The following RPS19BP1 variants were observed in gnomAD, a reference collection of about 807,000 sequenced individuals.
RPS19BP1 encodes the protein active regulator of SIRT1.
A neutral mutation model predicts 16.6 loss-of-function variants in RPS19BP1; 14 were observed. The observed-to-expected ratio is 0.84, with a 90% CI of 0.56 to 1.32. The LOEUF (loss-of-function observed/expected upper bound fraction) is 1.32. RPS19BP1 is among the 40% of genes most tolerant of loss of function. The pLI is 0.00. For synonymous variants in RPS19BP1, 90 were observed against 77.3 expected, an observed-to-expected ratio of 1.16 and a Z score of -0.86; for missense variants, 188 against 178.6, an observed-to-expected ratio of 1.05 and a Z score of -0.30.
intron 2 of RPS19BP1, 89 bp from the exon 3 acceptor site, chr22:39,530,006 C>G: frequency 5.8e-6 from 6 of 1,039,104 alleles, no homozygotes; most frequent in Non-Finnish European, 8.9e-6. Flanking sequence ...CCAAAGACCT[C>G]ATCGTTCCCT....
chr22:39,529,433 C>A lies in RPS19BP1; in HGVS notation c.*59G>T. On this transcript the variant is annotated 3_prime_UTR_variant, in exon 4 of 4. Transcript: ENST00000334678. ...CGCGCGGCACGGCCGGTTCCTGGAG[C>A]CAGCAGGAGTCGGAGGCTGCAGGGC... The A allele has an allele frequency of 1.9e-6, 3 of 1,599,854 alleles. No individual in the cohort carries two copies. Among genetic ancestry groups the A allele is most frequent in the Non-Finnish European group, 2.6e-6 (3 of 1,173,808 alleles).
chr22:39,531,084 A>G (rs1931300049), intron 2 of RPS19BP1: 1 of 152,226 alleles, frequency 6.6e-6, no homozygotes, highest in South Asian at 2.1e-4. Context: ...GAGGCTTGCC[A>G]TTCCTCTCAC....
chr22:39,530,189 C>A, intron 2 of RPS19BP1: 1 of 455,874 alleles, frequency 2.2e-6, no homozygotes. Flanking sequence ...AGATGAAGGA[C>A]AAAGGACCCA....
rs1163954294 is a variant in RPS19BP1, at chr22:39,532,524, C to T, written c.53-1G>A. The T allele has an allele frequency of 2.5e-6, 4 of 1,613,766 alleles. No homozygotes were observed. The highest frequency in any genetic ancestry group is 1.3e-5 in the African/African-American group (1 of 74,942). ...GCCTGACCTGGAGGGTCCCGGGGGG[C>T]TGTAGGGGAAGAGAGAGGAAGAGAC... On this transcript the variant is annotated splice_acceptor_variant, in intron 1 of 3. Transcript: ENST00000334678. LOFTEE classifies it high-confidence loss of function.
At chr22:39,530,435 C>G (rs1343582158) in intron 2 of RPS19BP1, 1 of 224,874 alleles carries the variant, frequency 4.4e-6, no homozygotes, top group African/African-American at 2.4e-5. Context: ...CACAAAACAG[C>G]TGGAATGGCT....
Position 39,532,537 on chromosome 22 carries a change from G to C in RPS19BP1, c.53-14C>G, listed in dbSNP as rs369647483. The C allele has an allele frequency of 1.2e-6, 2 of 1,613,540 alleles. No individual in the cohort carries two copies. The highest frequency in any genetic ancestry group is 2.2e-5 in the South Asian group (2 of 91,070). On this transcript the variant is annotated splice_polypyrimidine_tract_variant and intron_variant, in intron 1 of 3. Transcript: ENST00000334678. ...GGTCCCGGGGGGCTGTAGGGGAAGA[G>C]AGAGGAAGAGACCCAGGTCAGAGGG... is the stretch of plus-strand genomic sequence containing the variant.
At chr22:39,531,176 A>C (rs1931302010) in intron 2 of RPS19BP1, 1 of 152,276 alleles carries the variant, frequency 6.6e-6, no homozygotes. Flanking sequence ...AGGAGCTTCC[A>C]TCCAACAGGG....
At chr22:39,529,998 A>G in intron 2 of RPS19BP1, 81 bp from the exon 3 acceptor site, 1 of 1,158,440 alleles carries the variant, frequency 8.6e-7, no homozygotes, top group Non-Finnish European at 1.3e-6. Flanking sequence ...TGGCCCTGCC[A>G]AAGACCTCAT....
intron 2 of RPS19BP1, chr22:39,531,002 A>C (rs1931298248): frequency 6.6e-6 from 1 of 152,278 alleles, no homozygotes; most frequent in Non-Finnish European, 1.5e-5. Context: ...AGGCTTCTGC[A>C]ATAATTCAGG....
intron 2 of RPS19BP1, 168 bp from the exon 3 acceptor site, chr22:39,530,085 C>T (rs1202908612): frequency 8.0e-6 from 5 of 622,572 alleles, no homozygotes; most frequent in Admixed American, 5.6e-5. Context: ...CTGCTGAAAG[C>T]CCCAGGCTCT....
intron 2 of RPS19BP1, chr22:39,530,136 C>T: frequency 5.2e-6 from 3 of 575,284 alleles, no homozygotes; most frequent in Non-Finnish European, 9.3e-6. Flanking sequence ...GTCCTGAATA[C>T]TACTCACCAA....
rs2145773330 is a variant in RPS19BP1 at position 39,532,744 on chromosome 22, C to G, written c.-6G>C. ...CGCAGCAGGGCGGCGGACATGGCGG[C>G]GCTTGGCTCCGCCCACGAGCCTCAC... On this transcript the variant is annotated 5_prime_UTR_variant, in exon 1 of 4. Coordinates refer to ENST00000334678, the MANE Select transcript of RPS19BP1 (RefSeq NM_194326.4). 1 of 1,539,954 alleles carries G rather than the reference C, an allele frequency of 6.5e-7. No individual in the cohort carries two copies. Among genetic ancestry groups the G allele is most frequent in the South Asian group, 1.2e-5 (1 of 84,082 alleles).
chr22:39,532,501 C>T lies in RPS19BP1; in HGVS notation c.75G>A (p.Gln25=), dbSNP rs1931342225. The part of the protein sequence containing the change: ...ASEAPRDPPG[Q]AKPRGAPVKR... The stretch of plus-strand genomic sequence containing the variant: ...TCACCGGAGCCCCTCTCGGCTTGGC[C>T]TGACCTGGAGGGTCCCGGGGGGCTG... Residue 25 remains glutamine (Q), a synonymous_variant, in exon 2 of 4, where the codon CAG becomes CAA. Transcript: ENST00000334678. The T allele has an allele frequency of 6.2e-7, 1 of 1,614,154 alleles. No individual in the cohort carries two copies.
rs1001336993 is a variant in RPS19BP1, at chr22:39,532,519, G to A, written c.57C>T (p.Pro19=). 9 of 1,613,914 alleles carry A rather than the reference G, an allele frequency of 5.6e-6. No homozygotes were observed. The highest frequency in any genetic ancestry group is 8.5e-7 in the Non-Finnish European group (1 of 1,179,958). The change falls in exon 2 of 4, where the codon CCC becomes CCT. Residue 19 remains proline, a synonymous_variant. Transcript: ENST00000334678. ...GCTTGGCCTGACCTGGAGGGTCCCGGGGGGCTGTAGGGGAAGAGAGAGGAA... is the reference window on the plus strand; with the variant it reads ...GCTTGGCCTGACCTGGAGGGTCCCGAGGGGCTGTAGGGGAAGAGAGAGGAA... ...GLELLAASEA[P]RDPPGQAKPR... is the part of the protein sequence containing the mutation.
intron 2 of RPS19BP1, chr22:39,531,273 T>C (rs904261261): frequency 3.3e-5 from 5 of 152,262 alleles, no homozygotes; most frequent in African/African-American, 4.8e-5. Flanking sequence ...TCCTGCTTCA[T>C]GGCAAGTATC....
At chr22:39,530,488 C>A in intron 2 of RPS19BP1, 1 of 251,144 alleles carries the variant, frequency 4.0e-6, no homozygotes, top group South Asian at 3.1e-5. Flanking sequence ...CTTTGGGAGG[C>A]CGAGGCAGGC....
chr22:39,529,392 A>T lies in RPS19BP1; in HGVS notation c.*100T>A. 1 of 1,506,680 alleles carries T rather than the reference A, an allele frequency of 6.6e-7. No homozygotes were observed. The highest frequency in any genetic ancestry group is 9.0e-7 in the Non-Finnish European group (1 of 1,111,396). The allele number at this position is 1,506,680 out of a possible 1,614,324, so 93.3% of individuals were successfully genotyped here. ...CTTCCTCGAGCCAGGCTGGTCCTGC[A>T]TCGCCATCTGCTGGCCGCGCGGCAC... On this transcript the variant is annotated 3_prime_UTR_variant, in exon 4 of 4. Transcript: ENST00000334678.
At chr22:39,532,548 ACC>A (rs756604458) in intron 1 of RPS19BP1, 25 bp from the exon 2 acceptor site, 1 of 1,612,990 alleles carries the variant, frequency 6.2e-7, no homozygotes, top group South Asian at 1.1e-5. Context: ...AGAGGAAGAG[ACC>A]CAGGTCAGAG....
At position 39,529,481 on chromosome 22, in the gene RPS19BP1, C is replaced by T. The variant is rs569891199; in HGVS notation, c.*11G>A. The T allele has an allele frequency of 1.0e-4, 162 of 1,614,050 alleles. 3 individuals are homozygous for T. In the South Asian group the frequency reaches 1.8e-3, roughly 18 times the overall value. On this transcript the variant is annotated 3_prime_UTR_variant, in exon 4 of 4. Transcript: ENST00000334678. The stretch of plus-strand genomic sequence containing the variant: ...GGCTTGAAGGCCTCTTCACCGTGCC[C>T]TCCAGGGAGCCTAGCTGCCGAAGTA...
Sources: gnomAD v4.1 joint callset for allele counts on GRCh38, gnomAD v4.1.1 for gene constraint, MANE v1.5 for transcripts, NCBI Gene and HGNC (gene_info 2026-07-23, HGNC 2026-07-21) for gene names.